The following PHF24 variants were observed in gnomAD, a reference collection of about 807,000 sequenced individuals.
PHF24 encodes PHD finger protein 24.
In PHF24, 25 loss-of-function variants were observed where a neutral mutation model predicts 42.6. The observed-to-expected ratio is 0.59, with a 90% CI of 0.43 to 0.82. The LOEUF (loss-of-function observed/expected upper bound fraction) is 0.82, where lower values mean the gene tolerates loss of function less well. Ranked by LOEUF, PHF24 falls within the 40% of genes least tolerant of loss-of-function variation. PHF24 has a pLI of 0.00. For synonymous variants in PHF24, 185 were observed against 204.8 expected (o/e 0.90, Z 0.83); for missense variants, 470 against 538.1 (o/e 0.87, Z 1.25).
chr9:34,710,730 T>C, the PHF24 span, among the ~76,000 whole-genome samples: 1 of 152,070 alleles, frequency 6.6e-6, no homozygotes, highest in African/African-American at 2.4e-5. Flanking sequence ...TGCCTCAGCC[T>C]CTTGAGGAGC....
the PHF24 span, among the ~76,000 whole-genome samples, chr9:34,854,177 TCTAG>T: frequency 1.4e-5 from 2 of 138,936 alleles, no homozygotes; most frequent in African/African-American, 5.2e-5. Flanking sequence ...TCTTTATTAG[TCTAG>T]CTAGCAGTCT....
the PHF24 span, among the ~76,000 whole-genome samples, chr9:34,777,226 A>G: frequency 6.6e-6 from 1 of 152,132 alleles, no homozygotes; most frequent in African/African-American, 2.4e-5. Context: ...CAGTAGTGGC[A>G]GCAGTAGGCT....
At chr9:34,670,164 G>T in the PHF24 span, among the ~76,000 whole-genome samples, 1 of 152,180 alleles carries the variant, frequency 6.6e-6, no homozygotes, top group Non-Finnish European at 1.5e-5. Context: ...ACTTCATCCT[G>T]TGTGTCTTTT....
chr9:34,917,418 C>T, the PHF24 span: 1 of 768,950 alleles, frequency 1.3e-6, no homozygotes, highest in Non-Finnish European at 2.4e-6. Flanking sequence ...TATCTCGTTC[C>T]TGCTGCTATG....
chr9:34,677,623 C>T, the PHF24 span, among the ~76,000 whole-genome samples: 1 of 152,112 alleles, frequency 6.6e-6, no homozygotes, highest in Non-Finnish European at 1.5e-5. Context: ...TGTTCTCGAT[C>T]TCCTGACCTC....
chr9:34,842,208 T>C, the PHF24 span, among the ~76,000 whole-genome samples: 1 of 152,250 alleles, frequency 6.6e-6, no homozygotes, highest in East Asian at 1.9e-4. Context: ...TGTATGCATA[T>C]ATAACAATTT....
the PHF24 span, among the ~76,000 whole-genome samples, chr9:34,713,741 C>T: frequency 6.6e-6 from 1 of 152,140 alleles, no homozygotes; most frequent in Non-Finnish European, 1.5e-5. Context: ...AACTTAGAAT[C>T]TATATTTAAT....
the PHF24 span, among the ~76,000 whole-genome samples, chr9:34,919,455 C>T: frequency 1.3e-5 from 2 of 152,126 alleles, no homozygotes; most frequent in Admixed American, 6.5e-5. Context: ...TGCATCTCCC[C>T]ACCCACCCTT....
At chr9:34,953,676 G>A (rs912619824), upstream of PHF24, among the ~76,000 whole-genome samples, 10 of 152,138 alleles carry the variant, frequency 6.6e-5, no homozygotes, top group South Asian at 2.1e-4. The surrounding 1 kb of genome is among the most constrained non-coding windows in gnomAD (Gnocchi z 4.1). Flanking sequence ...TAGGTGTGGC[G>A]GTTCACACCT....
At chr9:34,886,746 ATCTATCTATCTGTCTG>A in the PHF24 span, among the ~76,000 whole-genome samples, 2 of 119,884 alleles carry the variant, frequency 1.7e-5, no homozygotes, top group South Asian at 2.4e-4. Context: ...ATATCTATCT[ATCTATCTATCTGTCTG>A]TCTGTCTGTC....
At chr9:34,971,723 G>A (rs1288201832) in intron 2 of PHF24, 47 bp downstream of exon 2, 1 of 1,551,420 alleles carries the variant, frequency 6.4e-7, no homozygotes, top group Non-Finnish European at 8.7e-7. Context: ...GTGCATCAGG[G>A]AGCAGGACAG....
chr9:34,770,114 G>A, the PHF24 span, among the ~76,000 whole-genome samples: 2 of 152,026 alleles, frequency 1.3e-5, no homozygotes, highest in African/African-American at 4.8e-5. Context: ...CACACTATAA[G>A]CAAAGCCAAA....
At chr9:34,953,493 G>GT (rs1826305770), upstream of PHF24, among the ~76,000 whole-genome samples, 1 of 152,196 alleles carries the variant, frequency 6.6e-6, no homozygotes, top group Non-Finnish European at 1.5e-5. The surrounding 1 kb of genome is among the most constrained non-coding windows in gnomAD (Gnocchi z 4.1). Flanking sequence ...CAGGGCTTGT[G>GT]TTTCTTTGGT....
chr9:34,974,488 A>G (rs1360291949), intron 3 of PHF24, among the ~76,000 whole-genome samples: 2 of 152,116 alleles, frequency 1.3e-5, no homozygotes, highest in Non-Finnish European at 2.9e-5. Flanking sequence ...CACCGTTAAC[A>G]TTACCTCCCA....
the PHF24 span, among the ~76,000 whole-genome samples, chr9:34,845,743 T>TC: frequency 1.3e-5 from 1 of 79,244 alleles, no homozygotes; most frequent in Non-Finnish European, 2.3e-5. Flanking sequence ...AAGCGATCCC[T>TC]CCCCCCTCCC....
the PHF24 span, among the ~76,000 whole-genome samples, chr9:34,717,827 G>T: frequency 1.3e-5 from 2 of 152,286 alleles, no homozygotes; most frequent in South Asian, 4.1e-4. Flanking sequence ...GTTTGTGCCC[G>T]TGTCTGCTCA....
chr9:34,849,698 G>T, the PHF24 span, among the ~76,000 whole-genome samples: 4 of 152,082 alleles, frequency 2.6e-5, no homozygotes, highest in African/African-American at 4.8e-5. Flanking sequence ...TCCTAGCCTC[G>T]ATGGTCTTTA....
the PHF24 span, among the ~76,000 whole-genome samples, chr9:34,750,640 A>T: frequency 6.6e-6 from 1 of 152,122 alleles, no homozygotes; most frequent in Non-Finnish European, 1.5e-5. Context: ...AGTTTAAAAT[A>T]ATGTTATAAG....
upstream of PHF24, among the ~76,000 whole-genome samples, chr9:34,956,118 C>T (rs1826364726): frequency 6.6e-6 from 1 of 152,156 alleles, no homozygotes; most frequent in South Asian, 2.1e-4. Context: ...CTGATTTTCT[C>T]TTTTGTATTA....
Sources: gnomAD v4.1 joint callset for allele counts (sites outside exome capture counted in the v4.1 genomes callset) on GRCh38, gnomAD v4.1.1 for gene constraint, Gnocchi (gnomAD v3.1) non-coding constraint, MANE v1.5 for transcripts, NCBI Gene and HGNC (gene_info 2026-07-23, HGNC 2026-07-21) for gene names.